Variants in DOCK4 observed in about 807,000 individuals in gnomAD.
DOCK4 encodes the protein dedicator of cytokinesis protein 4.
Under a neutral mutation model 268.1 loss-of-function variants are expected in DOCK4, and 97 were observed. The observed-to-expected ratio is 0.36, with a 90% CI of 0.31 to 0.43. The LOEUF is 0.43. Among genes scored for constraint, DOCK4 ranks in the 20% least tolerant of loss-of-function variants. The pLI is 1.00. For synonymous variants in DOCK4, 954 were observed against 887.2 expected, an observed-to-expected ratio of 1.08 and a Z score of -1.34; for missense variants, 2,145 against 2,455.7, an observed-to-expected ratio of 0.87 and a Z score of 2.67.
chr7:111,920,790 A>G (rs1428503022), intron 12 of DOCK4, among the ~76,000 whole-genome samples: 1 of 152,160 alleles, frequency 6.6e-6, no homozygotes, highest in Non-Finnish European at 1.5e-5. Flanking sequence ...TTATACAGAG[A>G]GAGACAGAAA....
chr7:111,784,069 G>C, intron 33 of DOCK4, 28 bp downstream of exon 33: 1 of 1,580,134 alleles, frequency 6.3e-7, no homozygotes, highest in Non-Finnish European at 8.6e-7. Flanking sequence ...CATCTCACAA[G>C]TAGCACAATT....
chr7:111,853,575 G>A (rs1378973015), intron 23 of DOCK4, among the ~76,000 whole-genome samples: 1 of 152,192 alleles, frequency 6.6e-6, no homozygotes, highest in Non-Finnish European at 1.5e-5. Flanking sequence ...GAGAGGAAAG[G>A]ACTGCAGATT....
intron 1 of DOCK4, among the ~76,000 whole-genome samples, chr7:112,097,309 C>T (rs1024981058): frequency 6.6e-6 from 1 of 152,208 alleles, no homozygotes; most frequent in African/African-American, 2.4e-5. Flanking sequence ...CGTCATGGCT[C>T]ATGCCTGTAA....
At chr7:112,148,220 T>C (rs1815702113) in intron 1 of DOCK4, among the ~76,000 whole-genome samples, 1 of 152,046 alleles carries the variant, frequency 6.6e-6, no homozygotes, top group East Asian at 1.9e-4. Flanking sequence ...GGAGTCAAGA[T>C]TATAATAGGG....
chr7:111,877,114 C>A lies in DOCK4; in HGVS notation c.1660G>T (p.Gly554Trp). The A allele has an allele frequency of 1.3e-6, 2 of 1,589,426 alleles. No individual in the cohort carries two copies. The highest frequency in any genetic ancestry group is 1.7e-6 in the Non-Finnish European group (2 of 1,168,652). Residue 554 changes from glycine to tryptophan, a missense_variant, in exon 17 of 53, where the codon GGG (glycine) becomes TGG (tryptophan). Around this residue, in one of 2 missense-constraint regions of DOCK4, gnomAD observed 1,598 missense variants for 1,986.7 expected, o/e 0.80. Transcript: ENST00000428084. ...GCCTTCATGGCTTGATTATTATTCC[C>A]AAGGAAAATGCCCTTGGAAAAGGGA... Reference protein sequence around the residue: ...KLPFSKGIFLGNNNQAMKATK... With the variant: ...KLPFSKGIFLWNNNQAMKATK...
At chr7:111,765,938 C>T (rs1162950570) in intron 38 of DOCK4, among the ~76,000 whole-genome samples, 1 of 152,098 alleles carries the variant, frequency 6.6e-6, no homozygotes, top group African/African-American at 2.4e-5. Flanking sequence ...CCTCTAGTAA[C>T]AGCACCCCAA....
intron 5 of DOCK4, among the ~76,000 whole-genome samples, chr7:111,989,396 C>T (rs529349978): frequency 9.8e-5 from 15 of 152,334 alleles, no homozygotes; most frequent in South Asian, 8.3e-4. Flanking sequence ...AGAAATGCAA[C>T]TTTACTTCTC....
intron 23 of DOCK4, among the ~76,000 whole-genome samples, chr7:111,854,283 T>C (rs1000432548): frequency 6.6e-6 from 1 of 152,244 alleles, no homozygotes; most frequent in Non-Finnish European, 1.5e-5. Context: ...ATGTTATCTA[T>C]AGATTACAGA....
At chr7:112,155,573 T>C (rs1193237810) in intron 1 of DOCK4, among the ~76,000 whole-genome samples, 1 of 152,210 alleles carries the variant, frequency 6.6e-6, no homozygotes, top group Non-Finnish European at 1.5e-5. Context: ...TAATATTCCA[T>C]ATAAACTAGT....
At chr7:111,806,228 T>C (rs543977204) in intron 30 of DOCK4, among the ~76,000 whole-genome samples, 4 of 152,280 alleles carry the variant, frequency 2.6e-5, no homozygotes, top group African/African-American at 9.6e-5. Flanking sequence ...GTAAACCAAA[T>C]GATAACTAAT....
At chr7:112,075,794 C>A (rs1397604726) in intron 1 of DOCK4, among the ~76,000 whole-genome samples, 3 of 151,580 alleles carry the variant, frequency 2.0e-5, no homozygotes, top group African/African-American at 7.3e-5. Context: ...AAAAAAAAAA[C>A]TTACAGAAAT....
chr7:111,821,953 A>G (rs969826733), intron 27 of DOCK4, among the ~76,000 whole-genome samples: 16 of 152,242 alleles, frequency 1.1e-4, no homozygotes, highest in Non-Finnish European at 1.6e-4. Context: ...AAAGGAAAAT[A>G]CACAGAAGAA....
At chr7:112,188,329 C>G (rs1345395770) in intron 1 of DOCK4, among the ~76,000 whole-genome samples, 1 of 152,212 alleles carries the variant, frequency 6.6e-6, no homozygotes, top group African/African-American at 2.4e-5. Context: ...ACAATGAATT[C>G]TATAATTTCA....
At chr7:111,822,341 T>C in intron 27 of DOCK4, 21 bp downstream of exon 27, 1 of 1,592,066 alleles carries the variant, frequency 6.3e-7, no homozygotes, top group Non-Finnish European at 8.6e-7. Context: ...GCTGCAATTA[T>C]CATCAACTTA....
At chr7:112,112,789 T>C (rs1332606328) in intron 1 of DOCK4, among the ~76,000 whole-genome samples, 1 of 152,182 alleles carries the variant, frequency 6.6e-6, no homozygotes, top group African/African-American at 2.4e-5. Flanking sequence ...ACAAGAGGCC[T>C]CTCAATCTCA....
chr7:111,953,072 A>T (rs1043492804), intron 8 of DOCK4, among the ~76,000 whole-genome samples: 5 of 151,986 alleles, frequency 3.3e-5, no homozygotes, highest in African/African-American at 1.2e-4. Flanking sequence ...CAAAAAATTT[A>T]AAAAATTAGC....
intron 16 of DOCK4, among the ~76,000 whole-genome samples, chr7:111,886,177 T>C (rs1807821477): frequency 6.6e-6 from 1 of 152,150 alleles, no homozygotes. Flanking sequence ...GAAAAGTAGG[T>C]AATCACATTA....
At chr7:112,066,640 A>G (rs1396599516) in intron 1 of DOCK4, among the ~76,000 whole-genome samples, 11 of 138,484 alleles carry the variant, frequency 7.9e-5, no homozygotes, top group Non-Finnish European at 1.4e-4. Context: ...ATATACACAC[A>G]TATACATATA....
At chr7:111,820,779 A>T (rs1487043464) in intron 27 of DOCK4, 1 of 152,234 alleles carries the variant, frequency 6.6e-6, no homozygotes, top group African/African-American at 2.4e-5. Flanking sequence ...CACATGAGTC[A>T]GGCAGAATGA....
Sources: gnomAD v4.1 joint callset for allele counts (sites outside exome capture counted in the v4.1 genomes callset) on GRCh38, gnomAD v4.1.1 for gene constraint, gnomAD v4.1.1 regional missense constraint, MANE v1.5 for transcripts, NCBI Gene and HGNC (gene_info 2026-07-23, HGNC 2026-07-21) for gene names.